Variants in NTSR1 observed in about 807,000 individuals in gnomAD.
NTSR1 encodes the protein neurotensin receptor type 1.
A neutral mutation model predicts 31.2 loss-of-function variants in NTSR1; 29 were observed. The observed-to-expected ratio is 0.93, with a 90% confidence interval of 0.69 to 1.27. The LOEUF is 1.27. NTSR1 is among the 50% of genes most tolerant of loss of function. NTSR1 has a pLI of 0.00. For missense variants in NTSR1, 697 were observed against 595.4 expected, an observed-to-expected ratio of 1.17 and a Z score of -1.78; for synonymous variants, 282 against 269.9, an observed-to-expected ratio of 1.04 and a Z score of -0.44.
At chr20:62,751,627 G>T (rs539129512) in intron 1 of NTSR1, among the ~76,000 whole-genome samples, 1 of 152,378 alleles carries the variant, frequency 6.6e-6, no homozygotes, top group South Asian at 2.1e-4. Context: ...GCAAAGGTTT[G>T]GGGCTGGCCC....
rs80193082 is a variant in NTSR1 at position 62,718,109 on chromosome 20, G to A, written c.714+8188G>A. On this transcript the variant is annotated intron_variant, in intron 1 of 3. Coordinates refer to ENST00000370501, the MANE Select transcript of NTSR1 (RefSeq NM_002531.3). ...GCTGGCCTGGCGGGGTGGCCGGAGC[G>A]GAGGGAGCAGAGGGCCGTGTGAGAA... 3.0e-4 allele frequency among the ~76,000 whole-genome samples: 45 copies of A among 152,336 alleles called. No individual in the cohort carries two copies. The East Asian group carries it at 3.7e-3, about 12-fold the overall frequency.
chr20:62,751,684 A>G (rs1365601666), intron 1 of NTSR1, among the ~76,000 whole-genome samples: 2 of 152,250 alleles, frequency 1.3e-5, no homozygotes, highest in Non-Finnish European at 2.9e-5. Context: ...GACCTGTCCA[A>G]TGAGGGCCTA....
intron 1 of NTSR1, among the ~76,000 whole-genome samples, chr20:62,735,054 A>G (rs1989065425): frequency 6.6e-6 from 1 of 152,106 alleles, no homozygotes; most frequent in Non-Finnish European, 1.5e-5. Context: ...CTGAGGCCCC[A>G]TGTGGAGGCA....
rs1480154960 is a variant in NTSR1 at position 62,708,881 on chromosome 20, G to C, written c.-327G>C. On this transcript the variant is annotated 5_prime_UTR_variant, in exon 1 of 4. Coordinates refer to ENST00000370501, the MANE Select transcript of NTSR1 (RefSeq NM_002531.3). The surrounding 1 kb of genome is among the most constrained non-coding windows in gnomAD (Gnocchi z 5.9). Reference sequence around the variant, plus strand: ...CCGAGCCGGGCTGGGCGCTGTCCTCGGGGGCCTGGGGAACCGCGCGGTTTG... The same window carrying C: ...CCGAGCCGGGCTGGGCGCTGTCCTCCGGGGCCTGGGGAACCGCGCGGTTTG... The C allele has an allele frequency of 7.7e-5, 23 of 297,126 alleles. 1 individual carries two copies. In the East Asian group the frequency reaches 1.1e-3, roughly 14 times the overall value. 18.4% of individuals were successfully genotyped at this position (297,126 alleles called of 1,614,324 possible).
intron 1 of NTSR1, among the ~76,000 whole-genome samples, chr20:62,730,182 C>T (rs1165884060): frequency 6.6e-6 from 1 of 152,080 alleles, no homozygotes; most frequent in Non-Finnish European, 1.5e-5. Context: ...TGTGTAATGT[C>T]CTATATCTAC....
At chr20:62,709,954 T>C in intron 1 of NTSR1, 33 bp downstream of exon 1, 1 of 1,490,708 alleles carries the variant, frequency 6.7e-7, no homozygotes, top group African/African-American at 1.4e-5. Flanking sequence ...GGGGCTCCCC[T>C]CTCCTTCACC....
chr20:62,758,435 C>A lies in NTSR1; in HGVS notation c.1007+79C>A. 1 of 1,303,028 alleles carries A rather than the reference C, an allele frequency of 7.7e-7. No individual in the cohort carries two copies. Among genetic ancestry groups the A allele is most frequent in the Non-Finnish European group, 1.1e-6 (1 of 910,998 alleles). The allele number at this position is 1,303,028 out of a possible 1,614,324, so 80.7% of individuals were successfully genotyped here. ...CAGATGGTGGGTGTGGCAGGCACTG[C>A]TGAGGGGATCCACTCAGGGCAGGGG... On this transcript the variant is annotated intron_variant, in intron 3 of 3. Transcript: ENST00000370501. The surrounding 1 kb of genome is among the most constrained non-coding windows in gnomAD (Gnocchi z 4.5).
Position 62,711,098 on chromosome 20 carries a change from C to T in NTSR1, c.714+1177C>T, listed in dbSNP as rs1433382601. 1.3e-5 allele frequency among the ~76,000 whole-genome samples: 2 copies of T among 152,160 alleles called. No individual in the cohort carries two copies. The highest frequency in any genetic ancestry group is 2.9e-5 in the Non-Finnish European group (2 of 68,018). On this transcript the variant is annotated intron_variant, in intron 1 of 3. Transcript: ENST00000370501. The surrounding 1 kb of genome is among the most constrained non-coding windows in gnomAD (Gnocchi z 6.4). ...GGCAGGGGGTCACCTGTCTGTCACT[C>T]CCTGGGCCCTAACTGACCCTCCACT...
At chr20:62,740,058 G>A (rs1989175385) in intron 1 of NTSR1, among the ~76,000 whole-genome samples, 1 of 152,244 alleles carries the variant, frequency 6.6e-6, no homozygotes, top group East Asian at 1.9e-4. Context: ...AAACTCCCCG[G>A]AAACCCAGGG....
At chr20:62,751,509 C>T (rs1001757347) in intron 1 of NTSR1, among the ~76,000 whole-genome samples, 4 of 152,238 alleles carry the variant, frequency 2.6e-5, no homozygotes, top group African/African-American at 9.6e-5. Context: ...CCCGCTTCAC[C>T]GGTGCTGGCT....
chr20:62,746,872 A>G (rs1989309436), intron 1 of NTSR1, among the ~76,000 whole-genome samples: 2 of 152,252 alleles, frequency 1.3e-5, no homozygotes, highest in South Asian at 4.1e-4. Flanking sequence ...TCCTTATACA[A>G]TTCCGAAAAT....
chr20:62,762,264 T>C lies in NTSR1; in HGVS notation c.*1997T>C, dbSNP rs571420040. On this transcript the variant is annotated 3_prime_UTR_variant, in exon 4 of 4. Coordinates refer to ENST00000370501, the MANE Select transcript of NTSR1 (RefSeq NM_002531.3). Reference sequence around the variant, plus strand: ...TAATTTCTGAGCCTCGGTTTCCCCATCTAAGGAACAGATGTGGTCGTTCCG... The same window carrying C: ...TAATTTCTGAGCCTCGGTTTCCCCACCTAAGGAACAGATGTGGTCGTTCCG... 1 of 152,350 alleles carries C rather than the reference T, an allele frequency of 6.6e-6. No homozygotes were observed. The highest frequency in any genetic ancestry group is 2.4e-5 in the African/African-American group (1 of 41,554). 9.4% of individuals were successfully genotyped at this position (152,350 alleles called of 1,614,324 possible). A position where few individuals can be genotyped will look rare whatever the true frequency, so the allele number is the denominator to read the frequency against.
Position 62,732,925 on chromosome 20 carries a change from G to A in NTSR1, c.715-21760G>A, listed in dbSNP as rs1360618698. The A allele has an allele frequency of 6.6e-6, 1 of 152,100 alleles. No individual in the cohort carries two copies. The allele number at this position is 152,100 out of a possible 1,614,324, so 9.4% of individuals were successfully genotyped here. A position where few individuals can be genotyped will look rare whatever the true frequency, so the allele number is the denominator to read the frequency against. Reference sequence around the variant, plus strand: ...CCTGGAGGACCACAGCGGGCACAGGGGGCGGCTCAGGCTGAGAACCAACGG... The same window carrying A: ...CCTGGAGGACCACAGCGGGCACAGGAGGCGGCTCAGGCTGAGAACCAACGG... On this transcript the variant is annotated intron_variant, in intron 1 of 3. Transcript: ENST00000370501. This position sits in a 1 kb window ranked among gnomAD's most constrained non-coding sequence, Gnocchi z 4.0.
chr20:62,721,910 C>CT (rs1268308374), intron 1 of NTSR1, among the ~76,000 whole-genome samples: 3 of 152,202 alleles, frequency 2.0e-5, no homozygotes, highest in Non-Finnish European at 4.4e-5. Flanking sequence ...TGAGTGGACT[C>CT]TGAGTGCTCA....
intron 2 of NTSR1, 146 bp downstream of exon 2, chr20:62,755,032 G>A (rs1989460543): frequency 1.7e-5 from 12 of 713,680 alleles, no homozygotes; most frequent in East Asian, 1.1e-4. Context: ...CAGCTCCCCC[G>A]AGGGGTGAGT....
intron 1 of NTSR1, among the ~76,000 whole-genome samples, chr20:62,721,570 TG>T (rs1259665523): frequency 2.5e-4 from 38 of 152,146 alleles, no homozygotes; most frequent in Non-Finnish European, 1.0e-4. Flanking sequence ...CCATTCCACA[TG>T]AAAGTGCCAT....
intron 3 of NTSR1, 79 bp from the exon 4 acceptor site, chr20:62,759,939 G>T: frequency 6.9e-7 from 1 of 1,458,864 alleles, no homozygotes; most frequent in East Asian, 2.3e-5. Context: ...TCCCTCAGCC[G>T]CTGTGGCCCC....
intron 1 of NTSR1, among the ~76,000 whole-genome samples, chr20:62,712,822 C>G (rs1280142447): frequency 6.6e-6 from 1 of 152,254 alleles, no homozygotes; most frequent in Non-Finnish European, 1.5e-5. Flanking sequence ...TCCAGCTCAG[C>G]TTTGACCTCG....
chr20:62,757,824 C>T (rs1989536964), intron 2 of NTSR1, among the ~76,000 whole-genome samples: 1 of 152,062 alleles, frequency 6.6e-6, no homozygotes, highest in South Asian at 2.1e-4. Context: ...TGTCTCTGAG[C>T]CTGTGTCCTG....
Sources: gnomAD v4.1 joint callset for allele counts (sites outside exome capture counted in the v4.1 genomes callset) on GRCh38, gnomAD v4.1.1 for gene constraint, Gnocchi (gnomAD v3.1) non-coding constraint, MANE v1.5 for transcripts, NCBI Gene and HGNC (gene_info 2026-07-23, HGNC 2026-07-21) for gene names.